Variants in ASPH observed in about 807,000 individuals in gnomAD.
ASPH encodes aspartate beta-hydroxylase, also known as aspartyl/asparaginyl beta-hydroxylase.
ASPH carries 100 observed loss-of-function variants against 118.4 expected under a neutral mutation model. That is an observed-to-expected ratio of 0.84 (90% CI 0.72 to 1.00). ASPH has a LOEUF of 1.00. ASPH is among the 50% of genes least tolerant of loss of function. ASPH has a pLI of 0.00. For synonymous variants in ASPH, 315 were observed against 325.6 expected, an observed-to-expected ratio of 0.97 and a Z score of 0.35; for missense variants, 920 against 919.5, an observed-to-expected ratio of 1.00 and a Z score of -0.01.
At chr8:61,709,616 G>C (rs532495960) in intron 1 of ASPH, among the ~76,000 whole-genome samples, 2 of 152,268 alleles carry the variant, frequency 1.3e-5, no homozygotes, top group African/African-American at 4.8e-5. Flanking sequence ...GTACATACAG[G>C]GTTTATTAAA....
At chr8:61,701,917 T>C (rs535783009) in intron 1 of ASPH, among the ~76,000 whole-genome samples, 31 of 152,212 alleles carry the variant, frequency 2.0e-4, no homozygotes, top group Non-Finnish European at 1.5e-4. Context: ...GTAGCTGAAA[T>C]AGTTACAATT....
intron 14 of ASPH, among the ~76,000 whole-genome samples, chr8:61,611,463 G>A (rs943610933): frequency 1.4e-4 from 22 of 152,234 alleles, no homozygotes; most frequent in African/African-American, 4.8e-4. Flanking sequence ...ATGAATGCCA[G>A]GAGGCAAGAA....
chr8:61,572,948 T>C (rs901778391), intron 16 of ASPH, among the ~76,000 whole-genome samples: 1 of 152,204 alleles, frequency 6.6e-6, no homozygotes, highest in African/African-American at 2.4e-5. Flanking sequence ...GACATGATTG[T>C]ATATTTAGAA....
At chr8:61,595,004 T>C (rs1427130245) in intron 14 of ASPH, among the ~76,000 whole-genome samples, 1 of 152,268 alleles carries the variant, frequency 6.6e-6, no homozygotes, top group Non-Finnish European at 1.5e-5. Flanking sequence ...GTTTTCACTA[T>C]TATAACTTTT....
At chr8:61,636,864 G>GA (rs1051599616) in intron 12 of ASPH, among the ~76,000 whole-genome samples, 7 of 152,020 alleles carry the variant, frequency 4.6e-5, no homozygotes, top group Admixed American at 2.6e-4. Context: ...CACAAGGTGG[G>GA]AAAAAATCTC....
chr8:61,669,599 A>G (rs1821388475), intron 3 of ASPH, among the ~76,000 whole-genome samples: 1 of 152,208 alleles, frequency 6.6e-6, no homozygotes, highest in African/African-American at 2.4e-5. Context: ...TTTATTTCAG[A>G]ATAAAATATC....
At chr8:61,617,446 A>G (rs1849422575) in intron 14 of ASPH, among the ~76,000 whole-genome samples, 1 of 152,180 alleles carries the variant, frequency 6.6e-6, no homozygotes. Context: ...AGGTATCGCT[A>G]TCTTATTTAT....
At chr8:61,506,864 C>T (rs774084891) in intron 24 of ASPH, among the ~76,000 whole-genome samples, 2 of 152,100 alleles carry the variant, frequency 1.3e-5, no homozygotes, top group Non-Finnish European at 2.9e-5. Flanking sequence ...TTTGAGACAA[C>T]TAAAAACTTC....
intron 24 of ASPH, among the ~76,000 whole-genome samples, chr8:61,509,870 A>C (rs1386791137): frequency 1.3e-5 from 2 of 152,020 alleles, no homozygotes; most frequent in Non-Finnish European, 2.9e-5. Flanking sequence ...CTCCAGGCCT[A>C]TCAAATCACG....
chr8:61,644,521 A>T, intron 7 of ASPH, 79 bp downstream of exon 7: 1 of 964,288 alleles, frequency 1.0e-6, no homozygotes, highest in Non-Finnish European at 1.5e-6. Flanking sequence ...ATCATTAATA[A>T]TAGATATTAT....
At chr8:61,708,675 GT>G (rs1837303698) in intron 1 of ASPH, among the ~76,000 whole-genome samples, 1 of 152,204 alleles carries the variant, frequency 6.6e-6, no homozygotes, top group Admixed American at 6.5e-5. Context: ...AACAATGCTG[GT>G]TGTGAAATAA....
At chr8:61,570,040 T>A (rs75596272) in intron 16 of ASPH, among the ~76,000 whole-genome samples, 3,662 of 152,256 alleles carry the variant, frequency 0.024, 105 homozygotes, top group African/African-American at 0.065. Context: ...TCTACAGATG[T>A]TCACTGACTT....
At chr8:61,615,444 A>G (rs996007423) in intron 14 of ASPH, among the ~76,000 whole-genome samples, 3 of 152,104 alleles carry the variant, frequency 2.0e-5, no homozygotes, top group Non-Finnish European at 4.4e-5. Context: ...CTACATATCC[A>G]GCCCCACTCT....
Position 61,583,862 on chromosome 8 carries a change from A to ATT in ASPH, c.1062+80_1062+81dup, listed in dbSNP as rs35353831. ...AACTGTTGTTTCTTTTACACTTACT[A>ATT]TTTTTTTTTTTTTTAACAAATCAAG... On this transcript the variant is annotated intron_variant, in intron 15 of 24. Coordinates refer to ENST00000379454, the MANE Select transcript of ASPH (RefSeq NM_004318.4). 19,187 of 823,596 alleles carry ATT rather than the reference A, an allele frequency of 0.023. 11 individuals are homozygous for ATT. The highest frequency in any genetic ancestry group is 0.027 in the Non-Finnish European group (14,475 of 542,430). The allele number at this position is 823,596 out of a possible 1,614,324, so 51.0% of individuals were successfully genotyped here. A position where few individuals can be genotyped will look rare whatever the true frequency, so the allele number is the denominator to read the frequency against.
At chr8:61,625,689 T>G in intron 13 of ASPH, 5 of 985,160 alleles carry the variant, frequency 5.1e-6, no homozygotes, top group South Asian at 9.4e-5. Flanking sequence ...ATTTCAAAAG[T>G]GTTAATCTGA....
chr8:61,585,519 C>T (rs547763989), intron 14 of ASPH, among the ~76,000 whole-genome samples: 1 of 152,202 alleles, frequency 6.6e-6, no homozygotes, highest in Non-Finnish European at 1.5e-5. Flanking sequence ...CCCCTCTCCG[C>T]CAACACACAC....
chr8:61,579,864 C>CT (rs201848921), intron 15 of ASPH, among the ~76,000 whole-genome samples: 2,297 of 126,054 alleles, frequency 0.018, 67 homozygotes, highest in African/African-American at 0.068. Flanking sequence ...AATTCAATTG[C>CT]TTTTTTTTGG....
At chr8:61,553,146 G>A in intron 19 of ASPH, 26 bp from the exon 20 acceptor site, 1 of 1,522,360 alleles carries the variant, frequency 6.6e-7, no homozygotes, top group Non-Finnish European at 9.1e-7. Context: ...TGTTAGTATG[G>A]GTAAAATAAT....
chr8:61,570,588 A>C (rs1833190628), intron 16 of ASPH, among the ~76,000 whole-genome samples: 1 of 152,216 alleles, frequency 6.6e-6, no homozygotes. Flanking sequence ...ATTAACATTT[A>C]CAACTTGCAG....
Sources: allele counts gnomAD v4.1 joint callset (sites outside exome capture counted in the v4.1 genomes callset), GRCh38; gene constraint gnomAD v4.1.1; transcripts MANE v1.5; gene names NCBI Gene and HGNC (gene_info 2026-07-23, HGNC 2026-07-21).